CTNNA2: variants seen among roughly 807,000 people sequenced by gnomAD.
CTNNA2 encodes catenin alpha-2.
A neutral mutation model predicts 101.0 loss-of-function variants in CTNNA2; 42 were observed. The observed-to-expected ratio is 0.42, with a 90% CI of 0.32 to 0.54. The LOEUF is 0.54. Ranked by LOEUF, CTNNA2 falls within the 20% of genes least tolerant of loss-of-function variation. CTNNA2 has a pLI of 0.14. For synonymous variants in CTNNA2, 450 were observed against 456.4 expected, an observed-to-expected ratio of 0.99 and a Z score of 0.18; for missense variants, 871 against 1,223.1, an observed-to-expected ratio of 0.71 and a Z score of 4.29.
In CTNNA2 at chr2:80,055,504, G is replaced by A. The variant is rs373339220; in HGVS notation, c.1056+145707G>A. Reference sequence around the variant, plus strand: ...TGAAACCACATATTATTGGACCCACGAAGTTGATTATTATTATTATTTTAG... The same window carrying A: ...TGAAACCACATATTATTGGACCCACAAAGTTGATTATTATTATTATTTTAG... On this transcript the variant is annotated intron_variant, in intron 7 of 18. Transcript: ENST00000402739. 1.2e-4 allele frequency among the ~76,000 whole-genome samples: 18 copies of A among 152,252 alleles called. No homozygotes were observed. The East Asian group carries it at 3.1e-3, about 26-fold the overall frequency.
At chr2:79,377,296 G>A (rs967058625) in intron 4 of CTNNA2, among the ~76,000 whole-genome samples, 2 of 152,110 alleles carry the variant, frequency 1.3e-5, no homozygotes, top group Non-Finnish European at 2.9e-5. Context: ...TAAGGAAAAG[G>A]CATAAAGTTG....
chr2:80,303,298 C>G lies in CTNNA2; in HGVS notation c.1057-89913C>G. On this transcript the variant is annotated intron_variant, in intron 7 of 18. Coordinates refer to ENST00000402739, the MANE Select transcript of CTNNA2 (RefSeq NM_001282597.3). This position sits in a 1 kb window ranked among gnomAD's most constrained non-coding sequence, Gnocchi z 7.7. Reference sequence around the variant, plus strand: ...CCTGGAAGATGCGCACGGGCACAAACTGGATGGCGTTGGCCCGCATATGCA... The same window carrying G: ...CCTGGAAGATGCGCACGGGCACAAAGTGGATGGCGTTGGCCCGCATATGCA... 6.2e-7 allele frequency: 1 copy of G among 1,613,688 alleles called. No individual in the cohort carries two copies. Among genetic ancestry groups the G allele is most frequent in the African/African-American group, 1.3e-5 (1 of 75,050 alleles).
chr2:79,216,329 G>C (rs1285988320), intron 2 of CTNNA2, among the ~76,000 whole-genome samples: 1 of 47,292 alleles, frequency 2.1e-5, no homozygotes, highest in Non-Finnish European at 5.1e-5. Context: ...CAAGCCTAGA[G>C]AAAAGAGAGA....
chr2:79,520,149 C>A (rs1672027090), intron 1 of CTNNA2, among the ~76,000 whole-genome samples: 1 of 152,084 alleles, frequency 6.6e-6, no homozygotes. Flanking sequence ...ATAAAGTGTA[C>A]CCATTTTAAG....
At chr2:79,930,696 T>G (rs1015858755) in intron 7 of CTNNA2, among the ~76,000 whole-genome samples, 8 of 152,248 alleles carry the variant, frequency 5.3e-5, no homozygotes, top group African/African-American at 1.9e-4. Context: ...CTGATGTTGC[T>G]GCCAGAAAAT....
intron 2 of CTNNA2, among the ~76,000 whole-genome samples, chr2:79,214,542 C>G (rs913085704): frequency 6.6e-6 from 1 of 151,968 alleles, no homozygotes; most frequent in East Asian, 1.9e-4. Flanking sequence ...CCTTTTAAAG[C>G]GTGCTATGGG....
At chr2:80,537,075 G>A (rs376408028) in intron 9 of CTNNA2, among the ~76,000 whole-genome samples, 3 of 151,424 alleles carry the variant, frequency 2.0e-5, no homozygotes, top group African/African-American at 7.3e-5. Context: ...CCCTCCCCTT[G>A]CATCCCACCC....
chr2:80,303,019 C>T lies in CTNNA2; in HGVS notation c.1057-90192C>T. 6.2e-7 allele frequency: 1 copy of T among 1,613,858 alleles called. No individual in the cohort carries two copies. The highest frequency in any genetic ancestry group is 1.1e-5 in the South Asian group (1 of 91,056). On this transcript the variant is annotated intron_variant, in intron 7 of 18. Transcript: ENST00000402739. The surrounding 1 kb of genome is among the most constrained non-coding windows in gnomAD (Gnocchi z 7.7). ...ACACATGGGGCTCCATGTACTCGAT[C>T]TCGTTGCCCGACAAGTCCATTTTCT... is the stretch of plus-strand genomic sequence containing the variant.
chr2:80,559,161 A>G (rs746879184), intron 12 of CTNNA2, among the ~76,000 whole-genome samples: 1 of 152,190 alleles, frequency 6.6e-6, no homozygotes, highest in Admixed American at 6.5e-5. Flanking sequence ...GCCCTAAAGT[A>G]AAGAAATAAC....
chr2:79,204,381 T>A (rs1242568627), intron 2 of CTNNA2, among the ~76,000 whole-genome samples: 2 of 152,248 alleles, frequency 1.3e-5, no homozygotes, highest in Non-Finnish European at 2.9e-5. Flanking sequence ...CTACTCCTAA[T>A]GTTCCCAGTG....
chr2:80,499,331 G>A (rs1008758958), intron 9 of CTNNA2, among the ~76,000 whole-genome samples: 4 of 152,120 alleles, frequency 2.6e-5, no homozygotes, highest in African/African-American at 9.7e-5. Context: ...GAACTTAGTG[G>A]ATGTATGCTC....
intron 7 of CTNNA2, among the ~76,000 whole-genome samples, chr2:80,374,385 T>C (rs1447684242): frequency 1.3e-5 from 2 of 152,186 alleles, no homozygotes; most frequent in Non-Finnish European, 2.9e-5. Context: ...TGAAGGAACA[T>C]GATTTTGTTC....
intron 6 of CTNNA2, among the ~76,000 whole-genome samples, chr2:79,905,658 C>G (rs1685372737): frequency 6.6e-6 from 1 of 151,884 alleles, no homozygotes; most frequent in Non-Finnish European, 1.5e-5. Flanking sequence ...GATTTGGTGC[C>G]CCTTCCTGCT....
At chr2:79,927,110 C>G (rs17018138) in intron 7 of CTNNA2, among the ~76,000 whole-genome samples, 16,402 of 152,002 alleles carry the variant, frequency 0.11, 1,157 homozygotes, top group East Asian at 0.26. Flanking sequence ...GTGAAGCCTG[C>G]TTGATTAGAT....
At position 80,023,903 on chromosome 2, in the gene CTNNA2, C is replaced by T. The variant is rs1008534885; in HGVS notation, c.1056+114106C>T. ...GAGATCGAGACCATCCTGGCTAACA[C>T]GGTGAAACCCCGTCTCTACTAAAAA... On this transcript the variant is annotated intron_variant, in intron 7 of 18. Coordinates refer to ENST00000402739, the MANE Select transcript of CTNNA2 (RefSeq NM_001282597.3). Among the ~76,000 whole-genome samples the T allele has an allele frequency of 6.6e-5, 10 of 151,168 alleles. No individual in the cohort carries two copies. The South Asian group carries it at 1.0e-3, about 16-fold the overall frequency.
chr2:80,548,850 G>A (rs1392745194), intron 11 of CTNNA2, among the ~76,000 whole-genome samples: 1 of 152,160 alleles, frequency 6.6e-6, no homozygotes, highest in Non-Finnish European at 1.5e-5. Flanking sequence ...TAAACTGCAA[G>A]TTTGGCCCAA....
intron 4 of CTNNA2, among the ~76,000 whole-genome samples, chr2:79,431,360 A>G (rs1257969372): frequency 6.6e-6 from 1 of 152,196 alleles, no homozygotes; most frequent in Non-Finnish European, 1.5e-5. Flanking sequence ...GTGACATACA[A>G]CAGCAAAGGT....
chr2:79,293,445 T>C (rs149483438), intron 2 of CTNNA2, among the ~76,000 whole-genome samples: 16 of 152,032 alleles, frequency 1.1e-4, no homozygotes, highest in African/African-American at 3.6e-4. Flanking sequence ...CATACTACAG[T>C]CCCTCTCCCC....
At chr2:80,363,475 T>C (rs1049333284) in intron 7 of CTNNA2, among the ~76,000 whole-genome samples, 1 of 152,174 alleles carries the variant, frequency 6.6e-6, no homozygotes, top group African/African-American at 2.4e-5. Flanking sequence ...AATGCTCTGG[T>C]GACTGAAACA....
Sources: gnomAD v4.1 joint callset for allele counts (sites outside exome capture counted in the v4.1 genomes callset) on GRCh38, gnomAD v4.1.1 for gene constraint, Gnocchi (gnomAD v3.1) non-coding constraint, MANE v1.5 for transcripts, NCBI Gene and HGNC (gene_info 2026-07-23, HGNC 2026-07-21) for gene names.